Variants in RAP1B observed in about 807,000 individuals in gnomAD.
RAP1B encodes the protein ras-related protein Rap-1b.
In RAP1B, 1 loss-of-function variant was observed where a neutral mutation model predicts 27.5. That is an observed-to-expected ratio of 0.04 (90% CI 0.01 to 0.17). The LOEUF (loss-of-function observed/expected upper bound fraction) is 0.17, where lower values mean the gene tolerates loss of function less well. Ranked by LOEUF, RAP1B falls within the 10% of genes least tolerant of loss-of-function variation. The pLI, the probability that RAP1B is intolerant of heterozygous loss-of-function variation, is 1.00. For missense variants in RAP1B, 84 were observed against 214.8 expected, an observed-to-expected ratio of 0.39 and a Z score of 3.81; for synonymous variants, 75 against 73.1, an observed-to-expected ratio of 1.03 and a Z score of -0.13.
At chr12:68,618,162 A>G (rs1226685109) in intron 1 of RAP1B, among the ~76,000 whole-genome samples, 1 of 127,586 alleles carries the variant, frequency 7.8e-6, no homozygotes, top group Non-Finnish European at 1.5e-5. Context: ...ATCTTCGCTC[A>G]GTGCAACCTC....
intron 1 of RAP1B, among the ~76,000 whole-genome samples, chr12:68,640,214 A>G (rs919845528): frequency 6.6e-6 from 1 of 152,096 alleles, no homozygotes; most frequent in Non-Finnish European, 1.5e-5. Flanking sequence ...TTTAATATCA[A>G]TCCATTGACA....
At chr12:68,630,164 C>A (rs1214352217) in intron 1 of RAP1B, among the ~76,000 whole-genome samples, 2 of 152,196 alleles carry the variant, frequency 1.3e-5, no homozygotes, top group African/African-American at 4.8e-5. Context: ...CATTTGCCAC[C>A]TGTGAGTTAA....
chr12:68,660,405 A>G lies in RAP1B; in HGVS notation c.*1156A>G, dbSNP rs932063575. The G allele has an allele frequency of 1.3e-5, 2 of 152,108 alleles. No individual in the cohort carries two copies. Among genetic ancestry groups the G allele is most frequent in the African/African-American group, 2.4e-5 (1 of 41,278 alleles). The allele number at this position is 152,108 out of a possible 1,614,324, so 9.4% of individuals were successfully genotyped here. On this transcript the variant is annotated 3_prime_UTR_variant, in exon 8 of 8. Transcript: ENST00000250559. ...TTAAATTGACCAACCTAATGTTACAACTACTTTGAGGTGGCCAAATGTAAA... is the reference window on the plus strand; with the variant it reads ...TTAAATTGACCAACCTAATGTTACAGCTACTTTGAGGTGGCCAAATGTAAA...
At chr12:68,619,562 A>C (rs1301085700) in intron 1 of RAP1B, among the ~76,000 whole-genome samples, 2 of 152,206 alleles carry the variant, frequency 1.3e-5, no homozygotes, top group Non-Finnish European at 2.9e-5. Context: ...ATTGCAACCA[A>C]TTGCTGAGCT....
At position 68,667,859 on chromosome 12, in the gene RAP1B, A is replaced by G. The variant is rs764255281; in HGVS notation, c.*8610A>G. The stretch of plus-strand genomic sequence containing the variant: ...AAAGCAATAATACTTCCTGAAATAC[A>G]TCTTGGGCTCTTTGCAGAAGCTGAA... On this transcript the variant is annotated 3_prime_UTR_variant, in exon 8 of 8. Transcript: ENST00000250559. 1 of 152,214 alleles carries G rather than the reference A, an allele frequency of 6.6e-6. No homozygotes were observed. The highest frequency in any genetic ancestry group is 1.5e-5 in the Non-Finnish European group (1 of 68,034). 9.4% of individuals were successfully genotyped at this position (152,214 alleles called of 1,614,324 possible).
At chr12:68,652,597 T>C (rs1425486760) in intron 4 of RAP1B, among the ~76,000 whole-genome samples, 2 of 151,408 alleles carry the variant, frequency 1.3e-5, no homozygotes, top group Non-Finnish European at 2.9e-5. Flanking sequence ...GGTGGATCAC[T>C]TAAGGTGAGG....
rs1462894892 is a variant in RAP1B at position 68,662,025 on chromosome 12, TATATATATTA to T, written c.*2777_*2786del. Reference sequence around the variant, plus strand: ...CTCTAGGTCTATATATATATATATATATATATATTATATATAGTACATATATAGAGAGAGT... The same window carrying T: ...CTCTAGGTCTATATATATATATATATTATATAGTACATATATAGAGAGAGT... On this transcript the variant is annotated 3_prime_UTR_variant, in exon 8 of 8. Coordinates refer to ENST00000250559, the MANE Select transcript of RAP1B (RefSeq NM_001010942.3). The T allele has an allele frequency of 6.9e-6, 1 of 145,710 alleles. No homozygotes were observed. The highest frequency in any genetic ancestry group is 2.1e-4 in the South Asian group (1 of 4,672). 9.0% of individuals were successfully genotyped at this position (145,710 alleles called of 1,614,324 possible). A position where few individuals can be genotyped will look rare whatever the true frequency, so the allele number is the denominator to read the frequency against.
intron 1 of RAP1B, among the ~76,000 whole-genome samples, 191 bp downstream of exon 1, chr12:68,611,234 G>T (rs1299661735): frequency 6.8e-6 from 1 of 148,026 alleles, no homozygotes; most frequent in Non-Finnish European, 1.5e-5. Context: ...CCGCGAGCGC[G>T]CTGCCTTGCG....
chr12:68,633,278 G>A (rs1006525811), intron 1 of RAP1B, among the ~76,000 whole-genome samples: 2 of 151,844 alleles, frequency 1.3e-5, no homozygotes, highest in African/African-American at 4.8e-5. Flanking sequence ...TCCCCAGAGC[G>A]CCCTCACTTT....
intron 5 of RAP1B, among the ~76,000 whole-genome samples, chr12:68,656,083 C>T (rs1874185399): frequency 6.6e-6 from 1 of 152,124 alleles, no homozygotes; most frequent in Admixed American, 6.5e-5. Flanking sequence ...TCGTTTGCAT[C>T]TCCATGAAAA....
At chr12:68,622,493 G>A (rs991669391) in intron 1 of RAP1B, among the ~76,000 whole-genome samples, 1 of 152,184 alleles carries the variant, frequency 6.6e-6, no homozygotes, top group African/African-American at 2.4e-5. Flanking sequence ...GCTCTAGCCA[G>A]CTGTACTTCT....
intron 1 of RAP1B, among the ~76,000 whole-genome samples, chr12:68,642,237 A>G (rs1309761091): frequency 1.3e-5 from 2 of 152,224 alleles, no homozygotes; most frequent in Non-Finnish European, 2.9e-5. Context: ...TCCAGTTTTT[A>G]CAAATAAATG....
intron 1 of RAP1B, among the ~76,000 whole-genome samples, chr12:68,647,373 C>A (rs1282182813): frequency 1.8e-5 from 1 of 56,112 alleles, no homozygotes; most frequent in Admixed American, 1.5e-4. Flanking sequence ...TCCCTGCCCC[C>A]CACTCCACTC....
At chr12:68,632,640 TAGTAGACAC>T (rs1872348384) in intron 1 of RAP1B, among the ~76,000 whole-genome samples, 1 of 152,142 alleles carries the variant, frequency 6.6e-6, no homozygotes, top group African/African-American at 2.4e-5. Context: ...GGTTTATGGT[TAGTAGACAC>T]AGTTTTTTTT....
chr12:68,612,116 T>G (rs1870645986), intron 1 of RAP1B, among the ~76,000 whole-genome samples: 1 of 152,216 alleles, frequency 6.6e-6, no homozygotes, highest in Non-Finnish European at 1.5e-5. Flanking sequence ...GGTAGAAAGT[T>G]GACACTAAAT....
rs981632937 is a variant in RAP1B at position 68,630,687 on chromosome 12, G to GT, written c.-26-18005dup. ...GGGTCTTTTTTGTTTTTGTTTTTTT[G>GT]TTTTTTTCAAGGCAGGTTCTCACTC... On this transcript the variant is annotated intron_variant, in intron 1 of 7. Coordinates refer to ENST00000250559, the MANE Select transcript of RAP1B (RefSeq NM_001010942.3). Among the ~76,000 whole-genome samples, 4 of 151,322 alleles carry GT rather than the reference G, an allele frequency of 2.6e-5. No homozygotes were observed. The East Asian group carries it at 7.8e-4, about 30-fold the overall frequency.
chr12:68,657,148 T>A lies in RAP1B; in HGVS notation c.516T>A (p.Pro172=). ...AAATTAACAGAAAAACTCCAGTGCC[T>A]GGGAAGGCTCGCAAAAAGTCATCAT... The part of the protein sequence containing the change: ...VRQINRKTPV[P]GKARKKSSCQ... The change falls in exon 7 of 8, where the codon CCT becomes CCA. Residue 172 remains proline (P), a synonymous_variant. Transcript: ENST00000250559. 1 of 1,613,752 alleles carries A rather than the reference T, an allele frequency of 6.2e-7. No homozygotes were observed. Among genetic ancestry groups the A allele is most frequent in the Admixed American group, 1.7e-5 (1 of 60,004 alleles).
chr12:68,626,281 T>C (rs1268710307), intron 1 of RAP1B, among the ~76,000 whole-genome samples: 1 of 152,244 alleles, frequency 6.6e-6, no homozygotes. Context: ...CTAAAGTTCC[T>C]CACTTCCAAT....
intron 1 of RAP1B, among the ~76,000 whole-genome samples, chr12:68,639,804 C>T (rs1001561384): frequency 2.6e-5 from 4 of 152,004 alleles, no homozygotes; most frequent in African/African-American, 4.8e-5. Flanking sequence ...CCAAATTTAA[C>T]TTCAGCCACA....
Sources: allele counts gnomAD v4.1 joint callset (sites outside exome capture counted in the v4.1 genomes callset), GRCh38; gene constraint gnomAD v4.1.1; transcripts MANE v1.5; gene names NCBI Gene and HGNC (gene_info 2026-07-23, HGNC 2026-07-21).